The following FAM13A variants were observed in gnomAD, a reference collection of about 807,000 sequenced individuals.
FAM13A encodes family with sequence similarity 13 member A, also known as protein FAM13A.
FAM13A carries 76 observed loss-of-function variants against 129.6 expected under a neutral mutation model. That is an observed-to-expected ratio of 0.59 (90% CI 0.49 to 0.71). The LOEUF is 0.71. FAM13A is among the 30% of genes least tolerant of loss of function. The probability of loss-of-function intolerance (pLI) is 0.00; values close to 1 mark genes in which losing one functional copy is unlikely to be tolerated. For missense variants in FAM13A, 1,108 were observed against 1,249.3 expected (o/e 0.89, Z 1.70); for synonymous variants, 443 against 449.9 (o/e 0.98, Z 0.20).
intron 14 of FAM13A, among the ~76,000 whole-genome samples, chr4:88,752,140 A>G (rs887625090): frequency 2.0e-5 from 3 of 152,168 alleles, no homozygotes; most frequent in African/African-American, 7.2e-5. Context: ...CCAAGTCAAC[A>G]ATATTTAGGT....
At chr4:88,883,315 T>C (rs1743887893) in intron 6 of FAM13A, among the ~76,000 whole-genome samples, 1 of 151,940 alleles carries the variant, frequency 6.6e-6, no homozygotes, top group Non-Finnish European at 1.5e-5. Context: ...TCAAGTATGC[T>C]CTCAAGCCAC....
At chr4:88,960,504 T>C (rs560491005) in intron 4 of FAM13A, among the ~76,000 whole-genome samples, 2 of 152,332 alleles carry the variant, frequency 1.3e-5, no homozygotes, top group East Asian at 1.9e-4. Context: ...TATCATCTCC[T>C]TCAAAGAAAG....
intron 21 of FAM13A, among the ~76,000 whole-genome samples, chr4:88,736,056 C>T (rs1560842180): frequency 6.6e-6 from 1 of 152,062 alleles, no homozygotes; most frequent in Non-Finnish European, 1.5e-5. Flanking sequence ...CACACAATTA[C>T]CCAAATTTCT....
intron 3 of FAM13A, among the ~76,000 whole-genome samples, chr4:89,012,105 A>G (rs933284362): frequency 6.6e-6 from 1 of 152,240 alleles, no homozygotes; most frequent in African/African-American, 2.4e-5. Flanking sequence ...TTTCCACAGG[A>G]AACAGTCAAT....
At chr4:88,738,903 G>A (rs976980998) in intron 20 of FAM13A, 127 bp downstream of exon 20, 2 of 666,250 alleles carry the variant, frequency 3.0e-6, no homozygotes, top group African/African-American at 1.8e-5. Flanking sequence ...GCCATGGATA[G>A]TAATGGCTGA....
At chr4:88,981,964 C>G (rs1761710399) in intron 4 of FAM13A, among the ~76,000 whole-genome samples, 1 of 152,148 alleles carries the variant, frequency 6.6e-6, no homozygotes, top group African/African-American at 2.4e-5. Flanking sequence ...AAAGTGATGG[C>G]AGAAGCCAGA....
intron 4 of FAM13A, among the ~76,000 whole-genome samples, chr4:88,970,458 T>C (rs1174460194): frequency 6.6e-6 from 1 of 151,128 alleles, no homozygotes; most frequent in Non-Finnish European, 1.5e-5. Flanking sequence ...TATATATATA[T>C]GATACATAAT....
At chr4:88,913,984 C>G (rs1561321356) in intron 5 of FAM13A, among the ~76,000 whole-genome samples, 1 of 149,268 alleles carries the variant, frequency 6.7e-6, no homozygotes, top group Non-Finnish European at 1.5e-5. Flanking sequence ...GCCTGGATGA[C>G]AGGGTGAGAC....
intron 5 of FAM13A, among the ~76,000 whole-genome samples, chr4:88,918,317 G>T (rs1450655815): frequency 1.3e-5 from 2 of 152,154 alleles, no homozygotes; most frequent in Non-Finnish European, 2.9e-5. Context: ...TCTTCTAAGT[G>T]CTTATTACAC....
chr4:88,875,144 G>T (rs1742168857), intron 6 of FAM13A, among the ~76,000 whole-genome samples: 1 of 152,166 alleles, frequency 6.6e-6, no homozygotes, highest in Non-Finnish European at 1.5e-5. Context: ...ATTAATTCAA[G>T]ATGGATTAAA....
chr4:88,733,154 C>T (rs55638042), intron 21 of FAM13A, among the ~76,000 whole-genome samples: 3,431 of 152,364 alleles, frequency 0.023, 49 homozygotes, highest in Non-Finnish European at 0.034. Context: ...GCAAAAACAT[C>T]TCAGGAGGCC....
At chr4:88,863,373 T>C (rs1739845628) in intron 6 of FAM13A, among the ~76,000 whole-genome samples, 1 of 152,192 alleles carries the variant, frequency 6.6e-6, no homozygotes, top group African/African-American at 2.4e-5. Context: ...GAAGGGGCAC[T>C]GAAGTTCTGT....
rs1301580343 is a variant in FAM13A, at chr4:88,726,310, G to A, written c.*2223C>T. On this transcript the variant is annotated 3_prime_UTR_variant, in exon 24 of 24. Transcript: ENST00000264344. ...TTCCATGAAGAATATAAGTTAGTTA[G>A]TTAGTTAGTGGAAATTACAAAGGAA... 1 of 152,048 alleles carries A rather than the reference G, an allele frequency of 6.6e-6. No homozygotes were observed. The highest frequency in any genetic ancestry group is 1.5e-5 in the Non-Finnish European group (1 of 68,018). The allele number at this position is 152,048 out of a possible 1,614,324, so 9.4% of individuals were successfully genotyped here.
At chr4:88,775,612 C>A (rs1212451987) in intron 11 of FAM13A, among the ~76,000 whole-genome samples, 1 of 151,918 alleles carries the variant, frequency 6.6e-6, no homozygotes, top group African/African-American at 2.4e-5. Context: ...GAGGCTGGGG[C>A]AGAAGGATCC....
chr4:88,994,797 T>C (rs536184912), intron 3 of FAM13A, among the ~76,000 whole-genome samples: 302 of 151,262 alleles, frequency 2.0e-3, no homozygotes, highest in African/African-American at 6.9e-3. Context: ...GCCATGATCA[T>C]ACCACTGCAC....
At chr4:88,830,135 T>G (rs1027896888) in intron 7 of FAM13A, among the ~76,000 whole-genome samples, 2 of 151,928 alleles carry the variant, frequency 1.3e-5, no homozygotes, top group African/African-American at 2.4e-5. Context: ...CAGGAGACAG[T>G]TGAAGTGGGG....
chr4:88,741,655 C>T (rs1208687680), intron 19 of FAM13A, among the ~76,000 whole-genome samples: 1 of 152,046 alleles, frequency 6.6e-6, no homozygotes, highest in Non-Finnish European at 1.5e-5. Flanking sequence ...GGTAAGCATC[C>T]CAAATCTGAA....
intron 3 of FAM13A, 106 bp downstream of exon 3, chr4:89,020,354 C>T: frequency 1.4e-6 from 1 of 700,736 alleles, no homozygotes; most frequent in Admixed American, 3.0e-5. Context: ...TGGCTTCAAG[C>T]AATCTTTCTA....
At chr4:88,801,112 T>C (rs774445762) in intron 8 of FAM13A, among the ~76,000 whole-genome samples, 1 of 151,862 alleles carries the variant, frequency 6.6e-6, no homozygotes, top group Non-Finnish European at 1.5e-5. Context: ...CTCAGAAAAA[T>C]TACCTAAAAA....
Sources: gnomAD v4.1 joint callset for allele counts (sites outside exome capture counted in the v4.1 genomes callset) on GRCh38, gnomAD v4.1.1 for gene constraint, MANE v1.5 for transcripts, NCBI Gene and HGNC (gene_info 2026-07-23, HGNC 2026-07-21) for gene names.